LRRC49: variants seen among roughly 807,000 people sequenced by gnomAD.
LRRC49 encodes leucine rich repeat containing 49, also known as leucine-rich repeat-containing protein 49.
A neutral mutation model predicts 83.3 loss-of-function variants in LRRC49; 50 were observed. The ratio of observed to expected loss-of-function variants is 0.60; its 90% confidence interval spans 0.48 to 0.76. LRRC49 has a LOEUF of 0.76. LRRC49 is among the 30% of genes least tolerant of loss of function. LRRC49 has a pLI of 0.00. For missense variants in LRRC49, 704 were observed against 809.1 expected, an observed-to-expected ratio of 0.87 and a Z score of 1.58; for synonymous variants, 286 against 283.3, an observed-to-expected ratio of 1.01 and a Z score of -0.10.
At chr15:70,972,313 C>G (rs1417431096) in intron 9 of LRRC49, among the ~76,000 whole-genome samples, 1 of 152,166 alleles carries the variant, frequency 6.6e-6, no homozygotes, top group Non-Finnish European at 1.5e-5. Context: ...ATATTGGCCC[C>G]CACTCTCTTC....
intron 1 of LRRC49, among the ~76,000 whole-genome samples, chr15:70,860,604 T>A (rs1327063724): frequency 6.6e-6 from 1 of 152,040 alleles, no homozygotes; most frequent in Non-Finnish European, 1.5e-5. Flanking sequence ...AGAGATAGGG[T>A]CTTTCTATGT....
At chr15:70,887,836 T>C (rs536112933), upstream of LRRC49, among the ~76,000 whole-genome samples, 1 of 152,304 alleles carries the variant, frequency 6.6e-6, no homozygotes, top group East Asian at 1.9e-4. Context: ...AGAGAATTTA[T>C]AAACTATTGA....
At chr15:70,944,204 C>T (rs2035926267) in intron 8 of LRRC49, among the ~76,000 whole-genome samples, 1 of 152,110 alleles carries the variant, frequency 6.6e-6, no homozygotes, top group African/African-American at 2.4e-5. Context: ...CATAACTGCA[C>T]CTTCTCCCCT....
Position 71,037,234 on chromosome 15 carries a change from A to G in LRRC49, c.1759A>G (p.Asn587Asp). Residue 587 changes from asparagine to aspartate, a missense_variant, in exon 15 of 16, where the codon AAC (asparagine) becomes GAC (aspartate). By Grantham distance (23) the Asn-to-Asp change is conservative (BLOSUM62 1). Transcript: ENST00000260382. ...CAAAGGAAAAAAACCTGGTATTATC[A>G]ACGAAGAAAATAATGACAGCAAAAG... is the stretch of plus-strand genomic sequence containing the variant. ...ESKGKKPGII[N>D]EENNDSKRLV... The G allele has an allele frequency of 1.9e-6, 3 of 1,611,486 alleles. No individual in the cohort carries two copies. Among genetic ancestry groups the G allele is most frequent in the Non-Finnish European group, 2.5e-6 (3 of 1,178,342 alleles).
chr15:70,996,235 A>G (rs1484299946), intron 11 of LRRC49, among the ~76,000 whole-genome samples: 2 of 152,166 alleles, frequency 1.3e-5, no homozygotes, highest in Non-Finnish European at 2.9e-5. Flanking sequence ...TCAGTTACTT[A>G]TAACTTCTAC....
intron 7 of LRRC49, among the ~76,000 whole-genome samples, chr15:70,932,160 A>G (rs1340049832): frequency 6.6e-6 from 1 of 152,166 alleles, no homozygotes; most frequent in African/African-American, 2.4e-5. Flanking sequence ...TTGCTGTGTA[A>G]TGGGTAGTAA....
Position 70,893,122 on chromosome 15 carries a change from GGTACTCAAA to G in LRRC49, c.48+183_48+191del, listed in dbSNP as rs1429342035. On this transcript the variant is annotated intron_variant, in intron 1 of 15. Transcript: ENST00000260382. The stretch of plus-strand genomic sequence containing the variant: ...AGGCACAATTTAATATTGTATGATG[GGTACTCAAA>G]GTCTTGTCCAGGATCTGGGCTCCCC... 3 of 668,972 alleles carry G rather than the reference GGTACTCAAA, an allele frequency of 4.5e-6. No individual in the cohort carries two copies. The African/African-American group carries it at 5.4e-5, about 12-fold the overall frequency. The allele number at this position is 668,972 out of a possible 1,614,324, so 41.4% of individuals were successfully genotyped here.
upstream of LRRC49, chr15:70,891,990 G>A: frequency 6.2e-7 from 1 of 1,613,204 alleles, no homozygotes; most frequent in Non-Finnish European, 8.5e-7. Flanking sequence ...TTAGGTGCCG[G>A]GGCGGGCACC....
At chr15:70,856,287 C>T (rs2032652286) in intron 1 of LRRC49, among the ~76,000 whole-genome samples, 1 of 152,182 alleles carries the variant, frequency 6.6e-6, no homozygotes, top group Admixed American at 6.5e-5. Flanking sequence ...TACATTCAAA[C>T]ATATCTGCCT....
Position 71,012,929 on chromosome 15 carries a change from T to C in LRRC49, c.1703+16T>C. On this transcript the variant is annotated intron_variant, in intron 14 of 15. Transcript: ENST00000260382. ...GTGATGCCAGGTAACCTTTAATTTT[T>C]GTAGTTTTTTATAGAATTACTGTTA... 6.5e-7 allele frequency: 1 copy of C among 1,534,744 alleles called. No individual in the cohort carries two copies. The highest frequency in any genetic ancestry group is 1.2e-5 in the South Asian group (1 of 86,412).
At chr15:70,963,609 A>G (rs185524895) in intron 8 of LRRC49, among the ~76,000 whole-genome samples, 176 bp from the exon 9 acceptor site, 1 of 152,318 alleles carries the variant, frequency 6.6e-6, no homozygotes, top group East Asian at 1.9e-4. Context: ...CAAATGTACT[A>G]TACTAACACA....
intron 14 of LRRC49, among the ~76,000 whole-genome samples, chr15:71,030,056 C>T (rs561182481): frequency 6.6e-6 from 1 of 152,102 alleles, no homozygotes; most frequent in Non-Finnish European, 1.5e-5. Flanking sequence ...ATTTGATTCT[C>T]TCATCATGAT....
At chr15:70,980,001 A>G (rs149927931) in intron 9 of LRRC49, 100 bp from the exon 10 acceptor site, 12 of 668,372 alleles carry the variant, frequency 1.8e-5, no homozygotes, top group Admixed American at 2.9e-5. Context: ...AGTAAATACT[A>G]TGCCTCTCAA....
chr15:70,937,333 G>A (rs933808293), intron 8 of LRRC49, among the ~76,000 whole-genome samples: 1 of 152,132 alleles, frequency 6.6e-6, no homozygotes, highest in Non-Finnish European at 1.5e-5. Context: ...TATAAATTTA[G>A]TTTTCTAACT....
intron 10 of LRRC49, among the ~76,000 whole-genome samples, chr15:70,982,347 AAC>A (rs1491583957): frequency 6.6e-6 from 1 of 152,164 alleles, no homozygotes; most frequent in Non-Finnish European, 1.5e-5. Flanking sequence ...GAGTAAAAAA[AAC>A]AGAGTTGCTT....
At chr15:71,020,835 A>C (rs572692295) in intron 14 of LRRC49, among the ~76,000 whole-genome samples, 2 of 152,360 alleles carry the variant, frequency 1.3e-5, no homozygotes, top group Admixed American at 1.3e-4. Context: ...GCTTATAATT[A>C]AGGCAGGACA....
chr15:70,984,945 C>T (rs1390518910), intron 11 of LRRC49, among the ~76,000 whole-genome samples: 2 of 149,262 alleles, frequency 1.3e-5, no homozygotes, highest in Non-Finnish European at 3.0e-5. Flanking sequence ...CATGTCCCTA[C>T]AAAGGACATG....
chr15:70,859,774 C>T lies in LRRC49; in HGVS notation c.-299+6305C>T, dbSNP rs530592669. ...TTAAGGATGCCAACGCCAAGCTGTC[C>T]GAGCTGGAGGCCTCTCTGCAATGGG... On this transcript the variant is annotated intron_variant, in intron 1 of 16. Coordinates refer to the LRRC49 transcript ENST00000544974. The T allele has an allele frequency of 7.2e-5, 53 of 735,740 alleles. No individual in the cohort carries two copies. In the East Asian group the frequency reaches 7.3e-4, roughly 10 times the overall value. 45.6% of individuals were successfully genotyped at this position (735,740 alleles called of 1,614,324 possible). A position where few individuals can be genotyped will look rare whatever the true frequency, so the allele number is the denominator to read the frequency against.
chr15:70,854,123 C>A (rs1180547829), intron 1 of LRRC49: 33 of 1,222,804 alleles, frequency 2.7e-5, no homozygotes, highest in Non-Finnish European at 3.2e-5. Flanking sequence ...GGGGTCCTCA[C>A]GCCGCAAGGC....
Sources: allele counts gnomAD v4.1 joint callset (sites outside exome capture counted in the v4.1 genomes callset), GRCh38; gene constraint gnomAD v4.1.1; transcripts MANE v1.5; gene names NCBI Gene and HGNC (gene_info 2026-07-23, HGNC 2026-07-21).